Variants in ADGRL2 observed in about 807,000 individuals in gnomAD.
ADGRL2 encodes adhesion G protein-coupled receptor L2.
Under a neutral mutation model 157.4 loss-of-function variants are expected in ADGRL2, and 44 were observed. The ratio of observed to expected loss-of-function variants is 0.28; its 90% CI spans 0.22 to 0.36. ADGRL2 has a LOEUF of 0.36. Ranked by LOEUF, ADGRL2 falls within the 10% of genes least tolerant of loss-of-function variation. The probability of loss-of-function intolerance (pLI) is 1.00; values close to 1 mark genes in which losing one functional copy is unlikely to be tolerated. For synonymous variants in ADGRL2, 585 were observed against 624.7 expected (o/e 0.94, Z 0.95); for missense variants, 1,510 against 1,768.9 (o/e 0.85, Z 2.63).
intron 2 of ADGRL2, among the ~76,000 whole-genome samples, chr1:81,891,302 T>G (rs1359931365): frequency 6.6e-6 from 1 of 152,064 alleles, no homozygotes; most frequent in Admixed American, 6.6e-5. Context: ...CTTCTTTACT[T>G]TGGACCTTCA....
chr1:81,658,080 T>C (rs1031867213), intron 3 of ADGRL2, among the ~76,000 whole-genome samples: 9 of 152,204 alleles, frequency 5.9e-5, no homozygotes, highest in Non-Finnish European at 1.3e-4. Flanking sequence ...TGTCTTATTA[T>C]TTGTATACAT....
intron 2 of ADGRL2, among the ~76,000 whole-genome samples, chr1:81,895,822 CTGTT>C (rs1250388293): frequency 2.6e-5 from 4 of 152,068 alleles, no homozygotes; most frequent in Non-Finnish European, 4.4e-5. Flanking sequence ...AATTTTTACT[CTGTT>C]TGATCTGGGA....
At chr1:81,788,466 T>C (rs560735195) in intron 2 of ADGRL2, among the ~76,000 whole-genome samples, 65 of 152,190 alleles carry the variant, frequency 4.3e-4, no homozygotes, top group Non-Finnish European at 6.9e-4. Context: ...ATTGTAAGCT[T>C]CCTGAGGCCC....
intron 2 of ADGRL2, among the ~76,000 whole-genome samples, chr1:81,871,094 C>T (rs1356450410): frequency 1.7e-5 from 2 of 116,532 alleles, no homozygotes; most frequent in Non-Finnish European, 3.4e-5. Context: ...CCTCCCCCCA[C>T]CCCCAACAGG....
intron 1 of ADGRL2, among the ~76,000 whole-genome samples, chr1:81,701,227 G>T (rs922096589): frequency 6.6e-6 from 1 of 152,166 alleles, no homozygotes; most frequent in Non-Finnish European, 1.5e-5. Flanking sequence ...TTCTGAAAAA[G>T]TGTTGAGGGT....
chr1:81,955,263 A>G (rs745499439), intron 10 of ADGRL2, among the ~76,000 whole-genome samples: 1 of 152,052 alleles, frequency 6.6e-6, no homozygotes, highest in East Asian at 1.9e-4. Context: ...TATATGCTCA[A>G]GTGTTTTTTA....
At chr1:81,699,219 C>A (rs2083507759), upstream of ADGRL2, among the ~76,000 whole-genome samples, 1 of 152,042 alleles carries the variant, frequency 6.6e-6, no homozygotes, top group Non-Finnish European at 1.5e-5. Flanking sequence ...TTAAATAAAG[C>A]TATATTTTTA....
intron 1 of ADGRL2, among the ~76,000 whole-genome samples, chr1:81,801,432 G>T (rs1216225507): frequency 6.6e-6 from 1 of 152,100 alleles, no homozygotes. Flanking sequence ...TCTCCCTCTC[G>T]CTCCCTCTCA....
chr1:81,690,179 G>A (rs1009620714), intron 3 of ADGRL2, among the ~76,000 whole-genome samples: 1 of 152,108 alleles, frequency 6.6e-6, no homozygotes, highest in Non-Finnish European at 1.5e-5. Context: ...AGTACTATTT[G>A]TTCTTAGCCA....
chr1:81,603,778 C>T (rs1465107627), intron 3 of ADGRL2, among the ~76,000 whole-genome samples: 2 of 152,186 alleles, frequency 1.3e-5, no homozygotes, highest in Non-Finnish European at 2.9e-5. Flanking sequence ...AGCAAAGGCT[C>T]TGCCATTAAA....
intron 2 of ADGRL2, among the ~76,000 whole-genome samples, chr1:81,544,380 T>C (rs1000379843): frequency 8.5e-5 from 13 of 152,226 alleles, no homozygotes; most frequent in Admixed American, 8.5e-4. Context: ...ATGAAATGTT[T>C]CTTTTTTCCC....
chr1:81,328,604 C>A (rs1331324071), intron 1 of ADGRL2, among the ~76,000 whole-genome samples: 1 of 151,948 alleles, frequency 6.6e-6, no homozygotes, highest in African/African-American at 2.4e-5. Context: ...GGGAGTCATA[C>A]CTTAAAAAGA....
intron 1 of ADGRL2, among the ~76,000 whole-genome samples, chr1:81,340,218 G>A (rs974123430): frequency 7.9e-5 from 12 of 152,200 alleles, no homozygotes; most frequent in Non-Finnish European, 1.5e-4. Context: ...TAAACAAACA[G>A]TATGTTATCT....
intron 2 of ADGRL2, among the ~76,000 whole-genome samples, chr1:81,553,550 G>A (rs769673468): frequency 1.3e-5 from 2 of 152,046 alleles, no homozygotes; most frequent in Non-Finnish European, 2.9e-5. Context: ...GCCTTAATCT[G>A]GCATGCTATT....
chr1:81,508,684 C>T (rs2079023075), intron 2 of ADGRL2, among the ~76,000 whole-genome samples: 1 of 152,196 alleles, frequency 6.6e-6, no homozygotes, highest in African/African-American at 2.4e-5. Context: ...AGGGTATGCA[C>T]CCATGAGGCC....
intron 3 of ADGRL2, among the ~76,000 whole-genome samples, chr1:81,665,731 A>G (rs1207054394): frequency 3.3e-5 from 5 of 152,164 alleles, no homozygotes; most frequent in Admixed American, 3.3e-4. Context: ...GTAACCCTCT[A>G]CATGGAGATG....
At chr1:81,890,606 A>G (rs1431410785) in intron 2 of ADGRL2, among the ~76,000 whole-genome samples, 1 of 152,126 alleles carries the variant, frequency 6.6e-6, no homozygotes, top group Non-Finnish European at 1.5e-5. Flanking sequence ...AATGTATGCA[A>G]TATATAGGAA....
chr1:81,841,234 T>C lies in ADGRL2; in HGVS notation c.73+4177T>C, dbSNP rs547826638. ...AAAAATGTTCTGCCAGGTATAAATA[T>C]GAGACATGCCAGAAACAGCTTTATG... On this transcript the variant is annotated intron_variant, in intron 2 of 23. Coordinates refer to ENST00000686636, the MANE Select transcript of ADGRL2 (RefSeq NM_001366006.2). 2.6e-5 allele frequency among the ~76,000 whole-genome samples: 4 copies of C among 152,308 alleles called. No individual in the cohort carries two copies. In the South Asian group the frequency reaches 8.3e-4, roughly 32 times the overall value.
intron 2 of ADGRL2, among the ~76,000 whole-genome samples, chr1:81,523,633 C>T (rs894096719): frequency 6.6e-6 from 1 of 152,112 alleles, no homozygotes; most frequent in Non-Finnish European, 1.5e-5. Context: ...ATCGAAATCA[C>T]CCAAACTTTT....
Sources: allele counts gnomAD v4.1 joint callset (sites outside exome capture counted in the v4.1 genomes callset), GRCh38; gene constraint gnomAD v4.1.1; transcripts MANE v1.5; gene names NCBI Gene and HGNC (gene_info 2026-07-23, HGNC 2026-07-21).